SPATA25: variants seen among roughly 807,000 people sequenced by gnomAD.
SPATA25 encodes the protein spermatogenesis-associated protein 25.
SPATA25 carries 16 observed loss-of-function variants against 16.0 expected under a neutral mutation model. The observed-to-expected ratio is 1.00, with a 90% CI of 0.68 to 1.52. SPATA25 has a LOEUF of 1.52. Ranked by LOEUF, SPATA25 falls within the 40% of genes most tolerant of loss-of-function variation. SPATA25 has a pLI of 0.00. For missense variants in SPATA25, 285 were observed against 289.2 expected (o/e 0.99, Z 0.11); for synonymous variants, 115 against 118.5 (o/e 0.97, Z 0.19).
upstream of SPATA25, chr20:45,890,172 AGCACATGG>A: frequency 6.6e-7 from 1 of 1,525,346 alleles, no homozygotes; most frequent in East Asian, 2.3e-5. Flanking sequence ...ACGAAGGCCT[AGCACATGG>A]GCTACGGAGC....
In SPATA25 at chr20:45,886,985, G is replaced by A; in HGVS notation, c.216C>T (p.Gly72=). The A allele has an allele frequency of 2.5e-6, 4 of 1,613,826 alleles. No individual in the cohort carries two copies. Among genetic ancestry groups the A allele is most frequent in the South Asian group, 2.2e-5 (2 of 91,084 alleles). ...TCTCCCAGCTAGTCCCCCCAGGGCA[G>A]CCCCTGGCTTGTGGCATTGCCAGGG... ...GPALAMPQAR[G]CPGGTSWETL... Residue 72 remains glycine (G), a synonymous_variant, in exon 2 of 2, where the codon GGC becomes GGT. Transcript: ENST00000372519.
upstream of SPATA25, chr20:45,890,241 G>A (rs201147104): frequency 3.9e-4 from 629 of 1,613,836 alleles, 4 homozygotes; most frequent in Non-Finnish European, 1.2e-4. Context: ...GCTGCCCAGG[G>A]ATACCTACAG....
rs564165964 is a variant in SPATA25 at position 45,886,827 on chromosome 20, A to G, written c.374T>C (p.Leu125Pro). 1.9e-6 allele frequency: 3 copies of G among 1,613,916 alleles called. No homozygotes were observed. The highest frequency in any genetic ancestry group is 2.5e-6 in the Non-Finnish European group (3 of 1,180,034). Residue 125 changes from leucine (L) to proline (P), a missense_variant, in exon 2 of 2, where the codon CTG (leucine) becomes CCG (proline). Transcript: ENST00000372519. ...DLGGPSRPRPLMLCGLSPRVL... is the reference protein window; with the variant it reads ...DLGGPSRPRPPMLCGLSPRVL... ...CCGTGGTGACAGCCCACACAGCATCAGGGGCCTAGGCCTGCTGGGGCCACC... is the reference window on the plus strand; with the variant it reads ...CCGTGGTGACAGCCCACACAGCATCGGGGGCCTAGGCCTGCTGGGGCCACC...
At position 45,886,953 on chromosome 20, in the gene SPATA25, C is replaced by G. The variant is rs377171120; in HGVS notation, c.248G>C (p.Arg83Pro). Residue 83 changes from arginine to proline, a missense_variant, in exon 2 of 2, where the codon CGG (arginine) becomes CCG (proline). Coordinates refer to ENST00000372519, the MANE Select transcript of SPATA25 (RefSeq NM_080608.4). ...GTGGCAGTTTCGGCTGTATTCCTTC[C>G]GTAGTGTCTCCCAGCTAGTCCCCCC... ...CPGGTSWETL[R>P]KEYSRNCHKF... 3.1e-6 allele frequency: 5 copies of G among 1,614,070 alleles called. No homozygotes were observed. In the Middle Eastern group the frequency reaches 4.9e-4, roughly 160 times the overall value.
chr20:45,888,824 C>T, upstream of SPATA25: 1 of 1,614,094 alleles, frequency 6.2e-7, no homozygotes, highest in East Asian at 2.2e-5. Flanking sequence ...CCAGCCGGTG[C>T]ACCATGCTCC....
upstream of SPATA25, among the ~76,000 whole-genome samples, chr20:45,889,594 G>T (rs1412011911): frequency 6.8e-6 from 1 of 146,062 alleles, no homozygotes; most frequent in African/African-American, 2.5e-5. Flanking sequence ...TTGCTTGCTT[G>T]CTTTCTCTCT....
upstream of SPATA25, chr20:45,887,751 A>T (rs760434875): frequency 2.1e-5 from 12 of 578,812 alleles, no homozygotes; most frequent in Non-Finnish European, 3.5e-5. Flanking sequence ...TGACAATAGG[A>T]TGAGGTTAAA....
upstream of SPATA25, chr20:45,890,655 AGACCCAGGTGT>A: frequency 1.2e-6 from 2 of 1,613,518 alleles, no homozygotes; most frequent in Non-Finnish European, 1.7e-6. Flanking sequence ...GTGATGGCGA[AGACCCAGGTGT>A]GGCCCAGGTT....
At position 45,886,778 on chromosome 20, in the gene SPATA25, T is replaced by C. The variant is rs963837659; in HGVS notation, c.423A>G (p.Ala141=). ...SPRVLPVPSE[A]VGKEASSQPD... is the part of the protein sequence containing the mutation. ...GCTGGGAGCTGGCCTCCTTCCCCAC[T>C]GCCTCAGAGGGTACCGGTAGAACCC... Residue 141 remains alanine, a synonymous_variant, in exon 2 of 2, where the codon GCA becomes GCG. Coordinates refer to ENST00000372519, the MANE Select transcript of SPATA25 (RefSeq NM_080608.4). 1.4e-5 allele frequency: 22 copies of C among 1,613,994 alleles called. No homozygotes were observed. Among genetic ancestry groups the C allele is most frequent in the Non-Finnish European group, 1.8e-5 (21 of 1,180,044 alleles).
chr20:45,888,825 A>T (rs747247541), upstream of SPATA25: 13 of 1,614,134 alleles, frequency 8.1e-6, no homozygotes, highest in East Asian at 2.9e-4. Context: ...CAGCCGGTGC[A>T]CCATGCTCCT....
chr20:45,889,587 C>A (rs1032830260), upstream of SPATA25, among the ~76,000 whole-genome samples: 2 of 148,622 alleles, frequency 1.3e-5, no homozygotes, highest in Non-Finnish European at 3.0e-5. Flanking sequence ...AGCTTGCTTG[C>A]TTGCTTGCTT....
chr20:45,886,559 TA>T lies in SPATA25; in HGVS notation c.641del (p.Leu214GlnfsTer2). The T allele has an allele frequency of 6.2e-7, 1 of 1,606,084 alleles. No homozygotes were observed. The highest frequency in any genetic ancestry group is 8.5e-7 in the Non-Finnish European group (1 of 1,174,548). On this transcript the variant is annotated frameshift_variant, in exon 2 of 2. Coordinates refer to ENST00000372519, the MANE Select transcript of SPATA25 (RefSeq NM_080608.4). LOFTEE classifies it high-confidence loss of function. ...HAHTASGKMP[L>X]VRSKRGQPPG... ...GAGGCTGGCCCCTTTTAGATCTCAC[TA>T]GGGGCATCTTCCCAGAGGCTGTGTG...
At chr20:45,889,581 T>A (rs1000460046), upstream of SPATA25, among the ~76,000 whole-genome samples, 8 of 148,686 alleles carry the variant, frequency 5.4e-5, no homozygotes, top group East Asian at 2.0e-4. Context: ...CTAGCTAGCT[T>A]GCTTGCTTGC....
upstream of SPATA25, among the ~76,000 whole-genome samples, chr20:45,889,325 C>T (rs893041654): frequency 6.6e-6 from 1 of 152,002 alleles, no homozygotes; most frequent in Non-Finnish European, 1.5e-5. Flanking sequence ...CCAATATGCC[C>T]AAGTCTATGA....
chr20:45,890,190 C>T, upstream of SPATA25: 1 of 1,596,862 alleles, frequency 6.3e-7, no homozygotes, highest in Non-Finnish European at 8.6e-7. Flanking sequence ...GGCTACGGAG[C>T]CCTAGTAGAT....
upstream of SPATA25, chr20:45,890,301 C>A (rs754812339): frequency 6.2e-7 from 1 of 1,613,522 alleles, no homozygotes; most frequent in South Asian, 1.1e-5. Flanking sequence ...GCAAACACGT[C>A]CACCACCGCG....
At chr20:45,888,914 G>A (rs1185634274), upstream of SPATA25, 5 of 1,611,772 alleles carry the variant, frequency 3.1e-6, no homozygotes, top group Non-Finnish European at 4.2e-6. Flanking sequence ...GAACTGGAGG[G>A]TGGGTCTGAG....
rs768567882 is a variant in SPATA25, at chr20:45,886,671, A to G, written c.530T>C (p.Leu177Pro). ...VPVPGVREEDLIWAAQAFMMA... is the reference protein window; with the variant it reads ...VPVPGVREEDPIWAAQAFMMA... ...CATGAAAGCTTGAGCGGCCCAGATC[A>G]GGTCCTCTTCCCGAACTCCTGGGAC... Residue 177 changes from leucine to proline, a missense_variant, in exon 2 of 2, where the codon CTG (leucine) becomes CCG (proline). Transcript: ENST00000372519. The G allele has an allele frequency of 8.1e-6, 13 of 1,614,136 alleles. No homozygotes were observed. Among genetic ancestry groups the G allele is most frequent in the Middle Eastern group, 3.3e-4 (2 of 6,062 alleles).
chr20:45,890,593 C>T (rs765561816), upstream of SPATA25: 19 of 1,612,232 alleles, frequency 1.2e-5, 1 homozygote, highest in Non-Finnish European at 1.6e-5. Context: ...GGCTGGGGGC[C>T]GCTGCCTCCG....
Sources: gnomAD v4.1 joint callset for allele counts (sites outside exome capture counted in the v4.1 genomes callset) on GRCh38, gnomAD v4.1.1 for gene constraint, MANE v1.5 for transcripts, NCBI Gene and HGNC (gene_info 2026-07-23, HGNC 2026-07-21) for gene names.